NAALADL2: variants seen among roughly 807,000 people sequenced by gnomAD.
NAALADL2 encodes inactive N-acetylated-alpha-linked acidic dipeptidase-like protein 2.
NAALADL2 carries 76 observed loss-of-function variants against 87.2 expected under a neutral mutation model. The ratio of observed to expected loss-of-function variants is 0.87; its 90% CI spans 0.72 to 1.05. The LOEUF is 1.05. NAALADL2 is among the 50% of genes least tolerant of loss of function. NAALADL2 has a pLI of 0.00. For missense variants in NAALADL2, 1,089 were observed against 945.8 expected, an observed-to-expected ratio of 1.15 and a Z score of -1.99; for synonymous variants, 354 against 331.0, an observed-to-expected ratio of 1.07 and a Z score of -0.75.
chr3:174,991,909 A>G (rs1230701459), intron 1 of NAALADL2, among the ~76,000 whole-genome samples: 1 of 152,238 alleles, frequency 6.6e-6, no homozygotes, highest in Admixed American at 6.5e-5. Flanking sequence ...GAAAATCCAT[A>G]GGAGTTTTCA....
At chr3:174,462,178 A>AT (rs1276814620) in intron 1 of NAALADL2, among the ~76,000 whole-genome samples, 1 of 151,964 alleles carries the variant, frequency 6.6e-6, no homozygotes, top group Non-Finnish European at 1.5e-5. Flanking sequence ...GTTTTTAAAT[A>AT]TTTTTTCTTA....
At chr3:174,849,832 G>A (rs889023940) in intron 3 of NAALADL2, among the ~76,000 whole-genome samples, 8 of 150,538 alleles carry the variant, frequency 5.3e-5, no homozygotes, top group African/African-American at 1.7e-4. Flanking sequence ...CCACCTCCAC[G>A]TCTTGTCTTG....
At chr3:175,352,374 A>C (rs1026747857) in intron 5 of NAALADL2, among the ~76,000 whole-genome samples, 1 of 152,126 alleles carries the variant, frequency 6.6e-6, no homozygotes, top group Non-Finnish European at 1.5e-5. Context: ...CTCTTTATTT[A>C]CACAAAGGGA....
intron 10 of NAALADL2, among the ~76,000 whole-genome samples, chr3:175,624,586 T>C (rs1226926000): frequency 6.6e-6 from 1 of 151,982 alleles, no homozygotes; most frequent in Non-Finnish European, 1.5e-5. Flanking sequence ...CCTCCTGATC[T>C]GACTAAAAAG....
chr3:175,481,608 C>G (rs1243492640), intron 9 of NAALADL2, among the ~76,000 whole-genome samples: 2 of 151,652 alleles, frequency 1.3e-5, no homozygotes, highest in African/African-American at 4.8e-5. Context: ...GGTATTTATC[C>G]AAGAGAAATG....
intron 1 of NAALADL2, among the ~76,000 whole-genome samples, chr3:174,502,779 C>A (rs183921224): frequency 0.011 from 1,742 of 152,030 alleles, 27 homozygotes; most frequent in African/African-American, 0.038. Context: ...GCCTGTAATC[C>A]CAGCAATTTG....
intron 1 of NAALADL2, among the ~76,000 whole-genome samples, chr3:175,003,933 T>A (rs1748614352): frequency 6.6e-6 from 1 of 152,024 alleles, no homozygotes; most frequent in Non-Finnish European, 1.5e-5. Flanking sequence ...AAAACAACAA[T>A]GAGACAGATG....
intron 1 of NAALADL2, among the ~76,000 whole-genome samples, chr3:175,053,228 T>G (rs1755648265): frequency 6.6e-6 from 1 of 152,206 alleles, no homozygotes; most frequent in Non-Finnish European, 1.5e-5. Flanking sequence ...CAGCCAAGAT[T>G]GATAAATATG....
At chr3:174,884,737 A>G (rs533470659) in intron 1 of NAALADL2, among the ~76,000 whole-genome samples, 78 of 151,838 alleles carry the variant, frequency 5.1e-4, no homozygotes, top group African/African-American at 1.8e-3. Flanking sequence ...CTTAATATAC[A>G]CTCTCATGCC....
chr3:175,172,934 A>T (rs1474919548), intron 2 of NAALADL2, among the ~76,000 whole-genome samples: 1 of 152,146 alleles, frequency 6.6e-6, no homozygotes, highest in Non-Finnish European at 1.5e-5. Flanking sequence ...CAAGCAAAGG[A>T]ATAAAAGTAC....
chr3:175,406,638 T>C (rs1241383677), intron 5 of NAALADL2, among the ~76,000 whole-genome samples: 2 of 152,216 alleles, frequency 1.3e-5, no homozygotes, highest in Non-Finnish European at 2.9e-5. Flanking sequence ...AGTGGTTACA[T>C]AATACTACTT....
chr3:175,045,814 G>A (rs1037853167), intron 1 of NAALADL2, among the ~76,000 whole-genome samples: 2 of 152,114 alleles, frequency 1.3e-5, no homozygotes. Flanking sequence ...AACACTATGT[G>A]TATCTTCTAA....
chr3:175,746,504 T>C (rs1417711292), intron 12 of NAALADL2, among the ~76,000 whole-genome samples: 1 of 152,150 alleles, frequency 6.6e-6, no homozygotes, highest in Non-Finnish European at 1.5e-5. Flanking sequence ...AGCTCTGGCC[T>C]GGCCAGTAGA....
intron 11 of NAALADL2, among the ~76,000 whole-genome samples, chr3:175,630,365 T>C (rs943283032): frequency 6.6e-6 from 1 of 151,780 alleles, no homozygotes; most frequent in Non-Finnish European, 1.5e-5. Context: ...CAAAAAGGAA[T>C]ACGCTCATAA....
chr3:175,091,386 T>C (rs1284065231), intron 1 of NAALADL2, among the ~76,000 whole-genome samples: 1 of 152,100 alleles, frequency 6.6e-6, no homozygotes, highest in Non-Finnish European at 1.5e-5. Context: ...ACTATATGAA[T>C]ATTTTTATCA....
intron 5 of NAALADL2, among the ~76,000 whole-genome samples, chr3:175,350,152 T>A (rs978160910): frequency 2.0e-5 from 3 of 152,178 alleles, no homozygotes; most frequent in African/African-American, 7.2e-5. Context: ...CTTGTTTTAG[T>A]AGGCTGGCTT....
intron 3 of NAALADL2, among the ~76,000 whole-genome samples, chr3:174,742,140 T>G (rs1437645067): frequency 2.6e-5 from 4 of 151,832 alleles, no homozygotes; most frequent in Admixed American, 2.0e-4. Context: ...ATACTAACAT[T>G]TTAAATAAAA....
At chr3:175,218,686 T>C (rs187505338) in intron 2 of NAALADL2, among the ~76,000 whole-genome samples, 8 of 152,288 alleles carry the variant, frequency 5.3e-5, no homozygotes, top group Non-Finnish European at 1.2e-4. Flanking sequence ...TTATTTTGTC[T>C]GAATTCTTTC....
At chr3:175,704,063 C>T (rs915423200) in intron 11 of NAALADL2, among the ~76,000 whole-genome samples, 7 of 152,034 alleles carry the variant, frequency 4.6e-5, no homozygotes, top group East Asian at 1.9e-4. Context: ...AGTGGCTCTG[C>T]GAGGAAAAAC....
Sources: gnomAD v4.1 joint callset for allele counts (sites outside exome capture counted in the v4.1 genomes callset) on GRCh38, gnomAD v4.1.1 for gene constraint, MANE v1.5 for transcripts, NCBI Gene and HGNC (gene_info 2026-07-23, HGNC 2026-07-21) for gene names.